The following ANO3 variants were observed in gnomAD, a reference collection of about 807,000 sequenced individuals.
ANO3 encodes anoctamin 3, also known as anoctamin-3.
In ANO3, 99 loss-of-function variants were observed where a neutral mutation model predicts 144.8. The observed-to-expected ratio is 0.68, with a 90% CI of 0.58 to 0.81. ANO3 has a LOEUF of 0.81. ANO3 is among the 30% of genes least tolerant of loss of function. ANO3 has a pLI of 0.00. For synonymous variants in ANO3, 414 were observed against 392.6 expected, an observed-to-expected ratio of 1.05 and a Z score of -0.64; for missense variants, 905 against 1,202.2, an observed-to-expected ratio of 0.75 and a Z score of 3.66.
chr11:26,295,500 A>C (rs1005595127), intron 1 of ANO3, among the ~76,000 whole-genome samples: 1 of 136,060 alleles, frequency 7.3e-6, no homozygotes, highest in African/African-American at 2.8e-5. Context: ...TGGGCGATAG[A>C]GTGAGACTCT....
intron 3 of ANO3, among the ~76,000 whole-genome samples, chr11:26,447,908 C>T (rs184184835): frequency 0.012 from 1,755 of 152,240 alleles, 17 homozygotes; most frequent in Non-Finnish European, 0.019. Flanking sequence ...TCTCAGTATG[C>T]TGGAAAATGA....
intron 3 of ANO3, among the ~76,000 whole-genome samples, chr11:26,454,579 T>A (rs947429165): frequency 4.6e-5 from 7 of 152,022 alleles, no homozygotes; most frequent in African/African-American, 1.4e-4. Flanking sequence ...ATTGTGGCAA[T>A]AATCAATAGC....
intron 1 of ANO3, among the ~76,000 whole-genome samples, chr11:26,371,012 T>A (rs1216138804): frequency 6.6e-6 from 1 of 152,202 alleles, no homozygotes; most frequent in Non-Finnish European, 1.5e-5. Context: ...GAGTCGAATG[T>A]GAATCACCAA....
At chr11:26,381,448 C>T (rs1856587335) in intron 1 of ANO3, among the ~76,000 whole-genome samples, 1 of 152,168 alleles carries the variant, frequency 6.6e-6, no homozygotes, top group Non-Finnish European at 1.5e-5. Context: ...CTTTTTCCTA[C>T]TACGCCTACA....
chr11:26,262,053 G>A (rs1301272305), intron 1 of ANO3, among the ~76,000 whole-genome samples: 1 of 152,158 alleles, frequency 6.6e-6, no homozygotes, highest in Non-Finnish European at 1.5e-5. Flanking sequence ...ACTAATCTCT[G>A]AAGTTCTTTG....
At chr11:26,319,144 C>CATCATCATCATTATT (rs1554938770) in intron 1 of ANO3, among the ~76,000 whole-genome samples, 12 of 150,834 alleles carry the variant, frequency 8.0e-5, no homozygotes, top group Admixed American at 2.0e-4. Context: ...TTCCAGATAA[C>CATCATCATCATTATT]ATTATTATTA....
intron 4 of ANO3, among the ~76,000 whole-genome samples, chr11:26,507,799 T>C (rs1271234989): frequency 6.6e-6 from 1 of 152,218 alleles, no homozygotes; most frequent in Non-Finnish European, 1.5e-5. Flanking sequence ...ATTTTATTTG[T>C]TGTTATATGA....
rs547329572 is a variant in ANO3, at chr11:26,361,002, G to A, written c.46+28681G>A. 8.5e-5 allele frequency among the ~76,000 whole-genome samples: 13 copies of A among 152,244 alleles called. No homozygotes were observed. In the South Asian group the frequency reaches 1.0e-3, roughly 12 times the overall value. ...GTTCGTGCATTAGGTGTGTAAGTCC[G>A]TCACCTCTAAATTTTATTCTATTTA... is the stretch of plus-strand genomic sequence containing the variant. On this transcript the variant is annotated intron_variant, in intron 1 of 26. Transcript: ENST00000256737.
chr11:26,189,090 A>C (rs1252138898), exon 1 of ANO3: 17 of 501,212 alleles, frequency 3.4e-5, no homozygotes, highest in Non-Finnish European at 4.4e-5. Flanking sequence ...GACTGATTAG[A>C]ATACTGTGAT....
intron 1 of ANO3, among the ~76,000 whole-genome samples, chr11:26,421,429 A>C (rs1256988499): frequency 6.6e-6 from 1 of 152,034 alleles, no homozygotes; most frequent in Non-Finnish European, 1.5e-5. Context: ...AAGTGTATTC[A>C]GATTTTATAA....
At chr11:26,231,894 G>T (rs772981936) in intron 1 of ANO3, among the ~76,000 whole-genome samples, 1 of 152,140 alleles carries the variant, frequency 6.6e-6, no homozygotes, top group Non-Finnish European at 1.5e-5. Context: ...CATTTGCAAG[G>T]TATATAAGTT....
chr11:26,386,448 T>C (rs1213642323), intron 1 of ANO3, among the ~76,000 whole-genome samples: 4 of 152,160 alleles, frequency 2.6e-5, no homozygotes, highest in Non-Finnish European at 5.9e-5. Context: ...AGAATTTTCA[T>C]AATTCATATT....
In ANO3 at chr11:26,508,254, G is replaced by C. The variant is rs1861514098; in HGVS notation, c.583G>C (p.Glu195Gln). 1 of 1,590,456 alleles carries C rather than the reference G, an allele frequency of 6.3e-7. No homozygotes were observed. The highest frequency in any genetic ancestry group is 2.3e-5 in the East Asian group (1 of 43,510). The change falls in exon 5 of 27, where the codon GAG (glutamate) becomes CAG (glutamine). Residue 195 changes from glutamate (E) to glutamine (Q), a missense_variant. Physicochemically the swap from Glu to Gln is conservative, Grantham distance 29 (BLOSUM62 2). Around this residue, in one of 4 missense-constraint regions of ANO3, gnomAD observed 63 missense variants for 107.3 expected, o/e 0.59. Transcript: ENST00000256737. Reference sequence around the variant, plus strand: ...CCTCAGAGCAGAAGGCTTGATGTTGGAGAAGGAGGTAGGTGCTTTACTATT... The same window carrying C: ...CCTCAGAGCAGAAGGCTTGATGTTGCAGAAGGAGGTAGGTGCTTTACTATT... ...KNLRAEGLML[E>Q]KEPAIASPDI...
intron 1 of ANO3, among the ~76,000 whole-genome samples, chr11:26,337,593 T>A (rs1855226456): frequency 6.6e-6 from 1 of 152,170 alleles, no homozygotes; most frequent in Non-Finnish European, 1.5e-5. Flanking sequence ...CTCAAACCCT[T>A]AAAAAATCCA....
chr11:26,556,702 G>C (rs575834835), intron 13 of ANO3, among the ~76,000 whole-genome samples: 2 of 151,444 alleles, frequency 1.3e-5, no homozygotes, highest in South Asian at 4.2e-4. Context: ...TTCTGCCCAG[G>C]TCCAGCAAAT....
chr11:26,576,629 T>C (rs1297746517), intron 14 of ANO3, among the ~76,000 whole-genome samples: 1 of 152,216 alleles, frequency 6.6e-6, no homozygotes, highest in Non-Finnish European at 1.5e-5. Flanking sequence ...AACCCTTTTT[T>C]CCTGACCTAT....
In ANO3 at chr11:26,441,967, G is replaced by T; in HGVS notation, c.96G>T (p.Pro32=). 1 of 1,613,892 alleles carries T rather than the reference G, an allele frequency of 6.2e-7. No individual in the cohort carries two copies. Among genetic ancestry groups the T allele is most frequent in the Non-Finnish European group, 8.5e-7 (1 of 1,179,976 alleles). The change falls in exon 2 of 27, where the codon CCG becomes CCT. Residue 32 remains proline, a synonymous_variant. Transcript: ENST00000256737. The part of the protein sequence containing the change: ...SEITKETSLK[P]SRRSLPCLAQ... The stretch of plus-strand genomic sequence containing the variant: ...TAACAAAAGAAACTTCGTTAAAACC[G>T]TCTCGGAGATCCCTGCCTTGCCTCG...
chr11:26,489,029 A>G (rs771101569), intron 4 of ANO3, among the ~76,000 whole-genome samples: 1 of 152,192 alleles, frequency 6.6e-6, no homozygotes, highest in Non-Finnish European at 1.5e-5. Flanking sequence ...ACAATCCCTT[A>G]GCTAGACACA....
At chr11:26,561,138 A>G (rs1850273128) in intron 14 of ANO3, 5 of 1,612,826 alleles carry the variant, frequency 3.1e-6, no homozygotes, top group African/African-American at 1.3e-5. Flanking sequence ...ACTTTCTGGC[A>G]TGGCTGAATC....
Sources: gnomAD v4.1 joint callset for allele counts (sites outside exome capture counted in the v4.1 genomes callset) on GRCh38, gnomAD v4.1.1 for gene constraint, gnomAD v4.1.1 regional missense constraint, MANE v1.5 for transcripts, NCBI Gene and HGNC (gene_info 2026-07-23, HGNC 2026-07-21) for gene names.